TBC1D19: variants seen among roughly 807,000 people sequenced by gnomAD.
The protein encoded by TBC1D19 is TBC1 domain family, member 19.
Under a neutral mutation model 89.0 loss-of-function variants are expected in TBC1D19, and 60 were observed. That is an observed-to-expected ratio of 0.67 (90% CI 0.55 to 0.84). TBC1D19 has a LOEUF of 0.84. Ranked by LOEUF, TBC1D19 falls within the 40% of genes least tolerant of loss-of-function variation. The probability of loss-of-function intolerance (pLI) is 0.00; values close to 1 mark genes in which losing one functional copy is unlikely to be tolerated. For synonymous variants in TBC1D19, 189 were observed against 199.7 expected, an observed-to-expected ratio of 0.95 and a Z score of 0.45; for missense variants, 500 against 610.8, an observed-to-expected ratio of 0.82 and a Z score of 1.91.
chr4:26,622,384 TA>T (rs1490705670), intron 4 of TBC1D19, among the ~76,000 whole-genome samples: 2 of 151,832 alleles, frequency 1.3e-5, no homozygotes, highest in African/African-American at 4.8e-5. Context: ...AAACAAAACA[TA>T]AATTTTTTTT....
intron 1 of TBC1D19, among the ~76,000 whole-genome samples, chr4:26,585,732 C>G (rs1739372927): frequency 6.6e-6 from 1 of 151,956 alleles, no homozygotes; most frequent in Non-Finnish European, 1.5e-5. Flanking sequence ...TACAGGCATC[C>G]ACCACCATGC....
the TBC1D19 span, among the ~76,000 whole-genome samples, chr4:26,838,358 G>C: frequency 6.6e-6 from 1 of 152,172 alleles, no homozygotes; most frequent in Non-Finnish European, 1.5e-5. Context: ...TCAAAGGTTG[G>C]TACTTAAAGT....
At chr4:26,632,114 A>G (rs1253562795) in intron 4 of TBC1D19, among the ~76,000 whole-genome samples, 2 of 152,044 alleles carry the variant, frequency 1.3e-5, no homozygotes, top group African/African-American at 4.8e-5. Context: ...TTATCTTTCT[A>G]TTTTGAATGG....
At chr4:26,775,443 G>C in the TBC1D19 span, among the ~76,000 whole-genome samples, 1 of 152,244 alleles carries the variant, frequency 6.6e-6, no homozygotes, top group African/African-American at 2.4e-5. Flanking sequence ...AACAGAGCGA[G>C]ACTCTGTCTC....
chr4:26,854,603 G>A, the TBC1D19 span, among the ~76,000 whole-genome samples: 1 of 152,148 alleles, frequency 6.6e-6, no homozygotes, highest in Non-Finnish European at 1.5e-5. Context: ...AGCGTGACTT[G>A]TTGAGCTCTG....
intron 19 of TBC1D19, among the ~76,000 whole-genome samples, chr4:26,752,458 C>A (rs899342371): frequency 6.6e-6 from 1 of 151,970 alleles, no homozygotes; most frequent in African/African-American, 2.4e-5. Context: ...GCTTTCCAGT[C>A]TGTTCTTCAA....
chr4:26,641,174 G>T (rs1329590834), intron 7 of TBC1D19, among the ~76,000 whole-genome samples: 2 of 152,090 alleles, frequency 1.3e-5, no homozygotes, highest in African/African-American at 4.8e-5. Flanking sequence ...CCTCATACAG[G>T]CCAGTGCCCC....
At chr4:26,627,311 C>G (rs1229246459) in intron 4 of TBC1D19, among the ~76,000 whole-genome samples, 2 of 152,164 alleles carry the variant, frequency 1.3e-5, no homozygotes, top group Non-Finnish European at 2.9e-5. Context: ...TGGGTTGGTT[C>G]TAAGTCTTTG....
chr4:26,613,263 A>G (rs1478073681), intron 2 of TBC1D19, 22 bp downstream of exon 2: 3 of 1,410,150 alleles, frequency 2.1e-6, no homozygotes, highest in Middle Eastern at 2.0e-4. Flanking sequence ...TTTCCTAATA[A>G]CTTAAGGCAA....
Position 26,584,132 on chromosome 4 carries a change from G to C in TBC1D19, c.-62G>C. Reference sequence around the variant, plus strand: ...TGTCACTGGCCCTGAGTGGGACCCGGTAGCCCGTTCGCTCCGCGCCGGCGG... The same window carrying C: ...TGTCACTGGCCCTGAGTGGGACCCGCTAGCCCGTTCGCTCCGCGCCGGCGG... On this transcript the variant is annotated 5_prime_UTR_variant, in exon 1 of 21. Transcript: ENST00000264866. The C allele has an allele frequency of 6.5e-7, 1 of 1,536,014 alleles. No individual in the cohort carries two copies. Among genetic ancestry groups the C allele is most frequent in the East Asian group, 2.3e-5 (1 of 43,160 alleles).
the TBC1D19 span, among the ~76,000 whole-genome samples, chr4:26,838,082 G>A: frequency 6.6e-6 from 1 of 152,094 alleles, no homozygotes; most frequent in Non-Finnish European, 1.5e-5. Flanking sequence ...TAAGAAACAA[G>A]GCAATGAGAA....
intron 13 of TBC1D19, among the ~76,000 whole-genome samples, chr4:26,694,761 C>T (rs1009460625): frequency 6.6e-6 from 1 of 152,228 alleles, no homozygotes; most frequent in Non-Finnish European, 1.5e-5. Flanking sequence ...GCAGCCTCCG[C>T]TGCTGATACC....
chr4:26,772,764 A>C, the TBC1D19 span, among the ~76,000 whole-genome samples: 4 of 151,310 alleles, frequency 2.6e-5, no homozygotes, highest in Non-Finnish European at 5.9e-5. Context: ...ATGGCTTCCA[A>C]CTCCATTCAT....
chr4:26,843,163 A>G, the TBC1D19 span, among the ~76,000 whole-genome samples: 1 of 152,242 alleles, frequency 6.6e-6, no homozygotes, highest in Non-Finnish European at 1.5e-5. Flanking sequence ...AACATAAAAC[A>G]TAACTGAAAT....
At chr4:26,616,928 A>T (rs1428626161) in intron 3 of TBC1D19, among the ~76,000 whole-genome samples, 1 of 152,226 alleles carries the variant, frequency 6.6e-6, no homozygotes, top group Non-Finnish European at 1.5e-5. Flanking sequence ...CCAACACTTT[A>T]TATGCATTGG....
chr4:26,842,583 CCTTTCTTTCTTTCTTT>C, the TBC1D19 span, among the ~76,000 whole-genome samples: 514 of 70,600 alleles, frequency 7.3e-3, 2 homozygotes, highest in African/African-American at 0.013. Context: ...TTCCTCCCTC[CCTTTCTTTCTTTCTTT>C]CTTTCTTTCT....
chr4:26,620,220 C>T (rs1458554746), intron 3 of TBC1D19, among the ~76,000 whole-genome samples: 1 of 152,204 alleles, frequency 6.6e-6, no homozygotes, highest in African/African-American at 2.4e-5. Flanking sequence ...CTCCTTCACA[C>T]TCATGTCTTG....
At chr4:26,717,060 C>T (rs1223535464) in intron 13 of TBC1D19, among the ~76,000 whole-genome samples, 1 of 152,114 alleles carries the variant, frequency 6.6e-6, no homozygotes, top group African/African-American at 2.4e-5. Flanking sequence ...GTGAACCTGA[C>T]TGATTCCCAA....
the TBC1D19 span, among the ~76,000 whole-genome samples, chr4:26,841,134 T>C: frequency 6.6e-6 from 1 of 152,174 alleles, no homozygotes; most frequent in African/African-American, 2.4e-5. Flanking sequence ...CCCAGCACTT[T>C]TGGAGGCTAA....
Sources: allele counts gnomAD v4.1 joint callset (sites outside exome capture counted in the v4.1 genomes callset), GRCh38; gene constraint gnomAD v4.1.1; transcripts MANE v1.5; gene names NCBI Gene and HGNC (gene_info 2026-07-23, HGNC 2026-07-21).